AFDN: variants seen among roughly 807,000 people sequenced by gnomAD.
AFDN encodes afadin, adherens junction formation factor.
A neutral mutation model predicts 216.6 loss-of-function variants in AFDN; 68 were observed. The ratio of observed to expected loss-of-function variants is 0.31; its 90% CI spans 0.26 to 0.38. The LOEUF is 0.38. Among genes scored for constraint, AFDN ranks in the 10% least tolerant of loss-of-function variants. The pLI is 1.00. For synonymous variants in AFDN, 868 were observed against 853.7 expected (o/e 1.02, Z -0.29); for missense variants, 2,136 against 2,342.0 (o/e 0.91, Z 1.82).
In AFDN at chr6:167,970,177, C is replaced by A; in HGVS notation, c.*242C>A. The A allele has an allele frequency of 4.7e-6, 2 of 421,604 alleles. No individual in the cohort carries two copies. The highest frequency in any genetic ancestry group is 4.7e-5 in the Admixed American group (1 of 21,414). The allele number at this position is 421,604 out of a possible 1,614,324, so 26.1% of individuals were successfully genotyped here. A position where few individuals can be genotyped will look rare whatever the true frequency, so the allele number is the denominator to read the frequency against. ...TAGTTTCTTAATTATCTAACTCACACGAGGGTAAGTTTTTTGTTGGTTTCT... is the reference window on the plus strand; with the variant it reads ...TAGTTTCTTAATTATCTAACTCACAAGAGGGTAAGTTTTTTGTTGGTTTCT... On this transcript the variant is annotated 3_prime_UTR_variant, in exon 34 of 34. Coordinates refer to ENST00000683244, the MANE Select transcript of AFDN (RefSeq NM_001386888.1).
intron 32 of AFDN, chr6:167,968,858 G>A: frequency 2.3e-6 from 1 of 430,098 alleles, no homozygotes; most frequent in South Asian, 2.6e-5. Context: ...GGGCCAGTGG[G>A]CAGTATTCCT....
At chr6:167,875,310 T>C (rs752800400) in intron 4 of AFDN, 25 bp from the exon 5 acceptor site, 1 of 1,592,642 alleles carries the variant, frequency 6.3e-7, no homozygotes, top group Non-Finnish European at 8.5e-7. Context: ...GTTTAAAATA[T>C]TTTTGGTATT....
chr6:167,915,896 A>G (rs973188132), intron 19 of AFDN, among the ~76,000 whole-genome samples: 2 of 152,244 alleles, frequency 1.3e-5, no homozygotes, highest in African/African-American at 2.4e-5. Flanking sequence ...CTTGGGTCCC[A>G]TCCCCAGAGA....
intron 23 of AFDN, among the ~76,000 whole-genome samples, chr6:167,939,359 T>C (rs1794408900): frequency 6.6e-6 from 1 of 152,222 alleles, no homozygotes; most frequent in Non-Finnish European, 1.5e-5. Flanking sequence ...ATTGCTTTTC[T>C]GTAGTCAGGT....
chr6:167,909,079 A>G (rs1423458653), intron 13 of AFDN, among the ~76,000 whole-genome samples: 3 of 152,152 alleles, frequency 2.0e-5, no homozygotes, highest in Non-Finnish European at 4.4e-5. Flanking sequence ...GGTTCACTTT[A>G]TGAGATATAT....
chr6:167,851,107 G>A (rs1365586668), intron 1 of AFDN, among the ~76,000 whole-genome samples: 1 of 152,154 alleles, frequency 6.6e-6, no homozygotes, highest in African/African-American at 2.4e-5. Context: ...TTTGAAATAT[G>A]TATAGTGCCA....
chr6:167,952,504 C>G (rs1262681767), intron 30 of AFDN: 3 of 985,256 alleles, frequency 3.0e-6, no homozygotes, highest in Non-Finnish European at 3.6e-6. Context: ...TTGTTAATGA[C>G]CAGTAATAAT....
intron 4 of AFDN, among the ~76,000 whole-genome samples, chr6:167,872,831 C>A (rs1047280651): frequency 6.6e-6 from 1 of 152,114 alleles, no homozygotes. Context: ...CCCTCCACTT[C>A]CACCTCCCAT....
intron 12 of AFDN, among the ~76,000 whole-genome samples, chr6:167,903,291 G>A (rs991586833): frequency 3.9e-5 from 6 of 152,208 alleles, no homozygotes; most frequent in African/African-American, 7.2e-5. Context: ...GGTGACTGGT[G>A]TGACCACCTT....
chr6:167,834,720 C>G (rs1326147890), intron 1 of AFDN, among the ~76,000 whole-genome samples: 2 of 152,068 alleles, frequency 1.3e-5, no homozygotes, highest in Non-Finnish European at 1.5e-5. Context: ...TGGCTTATCC[C>G]TGTAATCCCA....
rs115789151 is a variant in AFDN, at chr6:167,931,173, G to T, written c.3099+6082G>T. Among the ~76,000 whole-genome samples, 610 of 152,284 alleles carry T rather than the reference G, an allele frequency of 4.0e-3. 7 individuals are homozygous for T. Among genetic ancestry groups the T allele is most frequent in the African/African-American group, 0.014 (586 of 41,544 alleles). On this transcript the variant is annotated intron_variant, in intron 23 of 33. Coordinates refer to ENST00000683244, the MANE Select transcript of AFDN (RefSeq NM_001386888.1). ...TTTGTTGAATGGCAGTTTTTGGATT[G>T]GCTTATGAGTTGCAGTAGTGGATGA...
chr6:167,853,307 T>C (rs753307140), intron 1 of AFDN, among the ~76,000 whole-genome samples: 23 of 152,118 alleles, frequency 1.5e-4, no homozygotes, highest in Non-Finnish European at 2.9e-4. Flanking sequence ...TAGTTATTAT[T>C]ACAACATATT....
rs12212274 is a variant in AFDN, at chr6:167,924,108, T to A, written c.3013-897T>A. 1.5e-3 allele frequency among the ~76,000 whole-genome samples: 220 copies of A among 147,012 alleles called. 2 individuals carry two copies. Among genetic ancestry groups the A allele is most frequent in the African/African-American group, 4.9e-3 (180 of 36,668 alleles). The stretch of plus-strand genomic sequence containing the variant: ...TCAGGTTTTGATTTAAAAAAAAAAA[T>A]AATAATTCTAATGTCAACTAATTTT... On this transcript the variant is annotated intron_variant, in intron 22 of 33. Coordinates refer to ENST00000683244, the MANE Select transcript of AFDN (RefSeq NM_001386888.1).
intron 1 of AFDN, chr6:167,827,846 C>G (rs1409526689): frequency 6.6e-6 from 1 of 152,230 alleles, no homozygotes. Flanking sequence ...AGGAAGGGCC[C>G]TCTGCGGCGG....
At chr6:167,906,981 T>C (rs1789776335) in intron 12 of AFDN, among the ~76,000 whole-genome samples, 190 bp from the exon 13 acceptor site, 1 of 152,262 alleles carries the variant, frequency 6.6e-6, no homozygotes, top group African/African-American at 2.4e-5. Context: ...CTTCCTATGC[T>C]TTAATACCAG....
chr6:167,910,381 A>C (rs1296909493), intron 13 of AFDN, among the ~76,000 whole-genome samples: 1 of 152,248 alleles, frequency 6.6e-6, no homozygotes, highest in African/African-American at 2.4e-5. Context: ...ATTTGATCTG[A>C]ATACCTGGAA....
chr6:167,863,124 C>G (rs1027151170), intron 1 of AFDN, among the ~76,000 whole-genome samples: 1 of 152,128 alleles, frequency 6.6e-6, no homozygotes, highest in African/African-American at 2.4e-5. Flanking sequence ...ATGACATGCT[C>G]CAAAATCTGA....
At chr6:167,947,175 A>ATT (rs75948172) in intron 27 of AFDN, among the ~76,000 whole-genome samples, 13 of 146,606 alleles carry the variant, frequency 8.9e-5, no homozygotes, top group Non-Finnish European at 1.4e-4. Context: ...TATGTTTTAC[A>ATT]TTTTTTTTTT....
chr6:167,970,265 TTCTCTCCCA>T lies in AFDN; in HGVS notation c.*334_*342del. 3.4e-6 allele frequency: 1 copy of T among 295,250 alleles called. No individual in the cohort carries two copies. Among genetic ancestry groups the T allele is most frequent in the East Asian group, 5.9e-5 (1 of 16,940 alleles). The allele number at this position is 295,250 out of a possible 1,614,324, so 18.3% of individuals were successfully genotyped here. ...GGCAGGAGAAGAGAATGGATGTGTC[TTCTCTCCCA>T]TCTTCCCCTCATCATCGACCGAGGA... On this transcript the variant is annotated 3_prime_UTR_variant, in exon 34 of 34. Transcript: ENST00000683244.
Sources: gnomAD v4.1 joint callset for allele counts (sites outside exome capture counted in the v4.1 genomes callset) on GRCh38, gnomAD v4.1.1 for gene constraint, MANE v1.5 for transcripts, NCBI Gene and HGNC (gene_info 2026-07-23, HGNC 2026-07-21) for gene names.